MYO5B: variants seen among roughly 807,000 people sequenced by gnomAD.
MYO5B encodes myosin VB, also known as unconventional myosin-Vb.
MYO5B carries 143 observed loss-of-function variants against 229.3 expected under a neutral mutation model. The observed-to-expected ratio is 0.62, with a 90% CI of 0.54 to 0.72. The LOEUF is 0.72. Among genes scored for constraint, MYO5B ranks in the 30% least tolerant of loss-of-function variants. The pLI is 0.00. For synonymous variants in MYO5B, 918 were observed against 885.2 expected (o/e 1.04, Z -0.66); for missense variants, 2,321 against 2,331.0 (o/e 1.00, Z 0.09).
intron 4 of MYO5B, among the ~76,000 whole-genome samples, chr18:50,015,188 A>G (rs138750572): frequency 1.8e-3 from 276 of 152,298 alleles, no homozygotes; most frequent in African/African-American, 6.3e-3. Context: ...TTTCTCTGGG[A>G]GGACAATTTT....
intron 5 of MYO5B, among the ~76,000 whole-genome samples, chr18:49,997,430 T>G (rs2026002328): frequency 8.0e-6 from 1 of 124,734 alleles, no homozygotes; most frequent in Admixed American, 1.1e-4. Context: ...CAGGCTGGAG[T>G]GCAATGGCAT....
chr18:49,883,224 C>T (rs1267117930), intron 22 of MYO5B, among the ~76,000 whole-genome samples: 5 of 152,218 alleles, frequency 3.3e-5, no homozygotes, highest in African/African-American at 1.2e-4. Flanking sequence ...TGAATGCTAT[C>T]TGCAGATGAC....
At chr18:50,185,302 AGAG>A (rs1158624822) in intron 1 of MYO5B, among the ~76,000 whole-genome samples, 1 of 150,510 alleles carries the variant, frequency 6.6e-6, no homozygotes, top group African/African-American at 2.5e-5. Flanking sequence ...AAAAAAAAAA[AGAG>A]AGAGAGAGAG....
intron 14 of MYO5B, among the ~76,000 whole-genome samples, chr18:49,952,929 C>G (rs1323855094): frequency 2.0e-5 from 3 of 151,990 alleles, no homozygotes; most frequent in African/African-American, 7.3e-5. Flanking sequence ...ATTTCCATCA[C>G]TGCGCTCACC....
At position 49,894,952 on chromosome 18, in the gene MYO5B, C is replaced by T. The variant is rs1179447964; in HGVS notation, c.3034G>A (p.Glu1012Lys). The T allele has an allele frequency of 1.2e-6, 2 of 1,613,052 alleles. No individual in the cohort carries two copies. The highest frequency in any genetic ancestry group is 2.2e-5 in the South Asian group (2 of 91,082). Residue 1012 changes from glutamate to lysine, a missense_variant, in exon 22 of 40, where the codon GAG (glutamate) becomes AAG (lysine). Around this residue, in one of 2 missense-constraint regions of MYO5B, gnomAD observed 2,113 missense variants for 2,044.7 expected, o/e 1.03. Transcript: ENST00000285039. Reference protein sequence around the residue: ...LEDAHSREKDELRKRVADLEQ... With the variant: ...LEDAHSREKDKLRKRVADLEQ... ...TGGCCTGAGCATACCTTCCTCAGCT[C>T]ATCTTTCTCCCTGCTGTGGGCGTCC... is the stretch of plus-strand genomic sequence containing the variant.
At chr18:50,117,904 C>T (rs2031991460) in intron 1 of MYO5B, among the ~76,000 whole-genome samples, 1 of 152,152 alleles carries the variant, frequency 6.6e-6, no homozygotes, top group African/African-American at 2.4e-5. Flanking sequence ...ACAGTAAGCA[C>T]TTACTGTATG....
intron 28 of MYO5B, 94 bp downstream of exon 28, chr18:49,864,047 T>C (rs2024364031): frequency 1.3e-6 from 2 of 1,565,296 alleles, no homozygotes; most frequent in East Asian, 4.5e-5. Context: ...CTTTCAGGTT[T>C]TAGACCCTCG....
intron 1 of MYO5B, among the ~76,000 whole-genome samples, chr18:50,073,183 C>A (rs1452539091): frequency 6.6e-6 from 1 of 152,148 alleles, no homozygotes; most frequent in Non-Finnish European, 1.5e-5. Context: ...ATTCTTGGTA[C>A]CTACTACTGA....
chr18:49,990,189 C>T (rs993412595), intron 7 of MYO5B, among the ~76,000 whole-genome samples: 10 of 152,206 alleles, frequency 6.6e-5, no homozygotes. Flanking sequence ...GACTTCCATG[C>T]CATGCAAAAC....
intron 1 of MYO5B, among the ~76,000 whole-genome samples, chr18:50,060,228 A>T (rs986824636): frequency 2.0e-5 from 3 of 152,216 alleles, no homozygotes; most frequent in African/African-American, 7.2e-5. Context: ...GATTGCAAAC[A>T]GTATCTTGTA....
intron 1 of MYO5B, among the ~76,000 whole-genome samples, chr18:50,161,623 C>T (rs2032768078): frequency 6.6e-6 from 1 of 152,192 alleles, no homozygotes; most frequent in East Asian, 1.9e-4. Flanking sequence ...CTAGCTACAG[C>T]CACTACCTCC....
intron 4 of MYO5B, among the ~76,000 whole-genome samples, chr18:50,024,124 T>G (rs1353364828): frequency 6.6e-6 from 1 of 152,166 alleles, no homozygotes; most frequent in Non-Finnish European, 1.5e-5. Context: ...GATTAATATG[T>G]GCAATGACAA....
intron 1 of MYO5B, among the ~76,000 whole-genome samples, chr18:50,071,248 A>C (rs1290315769): frequency 6.6e-6 from 1 of 152,136 alleles, no homozygotes; most frequent in Non-Finnish European, 1.5e-5. Context: ...CAGCATAAAC[A>C]TTACTCCCTT....
At chr18:49,839,779 A>C in intron 35 of MYO5B, 1 of 220,660 alleles carries the variant, frequency 4.5e-6, no homozygotes, top group Non-Finnish European at 9.2e-6. Context: ...AACTAAAGTG[A>C]TTTCATAGCT....
At chr18:50,160,336 G>GT (rs2032746785) in intron 1 of MYO5B, among the ~76,000 whole-genome samples, 1 of 152,232 alleles carries the variant, frequency 6.6e-6, no homozygotes, top group African/African-American at 2.4e-5. Context: ...GAGGATCTCA[G>GT]TATTGAAAGG....
In MYO5B at chr18:49,895,080, T is replaced by C. The variant is rs1258105320; in HGVS notation, c.2906A>G (p.Tyr969Cys). Residue 969 changes from tyrosine to cysteine, a missense_variant, in exon 22 of 40, where the codon TAC becomes TGC. Tyr to Cys is a radical substitution (Grantham distance 194, BLOSUM62 -2). Coordinates refer to ENST00000285039, the MANE Select transcript of MYO5B (RefSeq NM_001080467.3). ...VERLKKELVH[Y>C]QQSPGEDTSL... ...GGTGTCCTCACCTGGGCTCTGCTGG[T>C]AGTGCACCAGCTCCTTCTTCAGCCG... 7.4e-6 allele frequency: 12 copies of C among 1,614,166 alleles called. No homozygotes were observed. The highest frequency in any genetic ancestry group is 1.0e-5 in the Non-Finnish European group (12 of 1,180,028).
chr18:50,102,211 G>A (rs1177833670), intron 1 of MYO5B, among the ~76,000 whole-genome samples: 2 of 152,130 alleles, frequency 1.3e-5, no homozygotes, highest in Non-Finnish European at 2.9e-5. Flanking sequence ...AGAACAGATG[G>A]ACACAAGGAG....
rs761038201 is a variant in MYO5B at position 49,880,439 on chromosome 18, T to C, written c.3062A>G (p.Glu1021Gly). 1 of 1,614,058 alleles carries C rather than the reference T, an allele frequency of 6.2e-7. No homozygotes were observed. Among genetic ancestry groups the C allele is most frequent in the Non-Finnish European group, 8.5e-7 (1 of 1,179,920 alleles). ...ATCTTTCAAGAGAGCATTTTCTTGC[T>C]CCAGGTCTGCAACTCGCTGGAAGAG... ...DELRKRVADLEQENALLKDEK... is the reference protein window; with the variant it reads ...DELRKRVADLGQENALLKDEK... The change falls in exon 23 of 40, where the codon GAG (glutamate) becomes GGG (glycine). Residue 1021 changes from glutamate (E) to glycine (G), a missense_variant. Physicochemically the swap from Glu to Gly is moderately conservative, Grantham distance 98 (BLOSUM62 -2). Transcript: ENST00000285039.
At chr18:49,854,997 T>C (rs1293554118) in intron 30 of MYO5B, among the ~76,000 whole-genome samples, 1 of 152,164 alleles carries the variant, frequency 6.6e-6, no homozygotes, top group Admixed American at 6.5e-5. Flanking sequence ...ACAGGCGATA[T>C]TACCTATTAC....
Sources: allele counts gnomAD v4.1 joint callset (sites outside exome capture counted in the v4.1 genomes callset), GRCh38; gene constraint gnomAD v4.1.1; regional missense constraint gnomAD v4.1.1; transcripts MANE v1.5; gene names NCBI Gene and HGNC (gene_info 2026-07-23, HGNC 2026-07-21).